AKAP13: variants seen among roughly 807,000 people sequenced by gnomAD.
AKAP13 encodes the protein A-kinase anchor protein 13.
Under a neutral mutation model 264.5 loss-of-function variants are expected in AKAP13, and 80 were observed. That is an observed-to-expected ratio of 0.30 (90% CI 0.25 to 0.36). The LOEUF (loss-of-function observed/expected upper bound fraction) is 0.36. AKAP13 is among the 10% of genes least tolerant of loss of function. The probability of loss-of-function intolerance (pLI) is 1.00; values close to 1 mark genes in which losing one functional copy is unlikely to be tolerated. For synonymous variants in AKAP13, 1,380 were observed against 1,250.2 expected, an observed-to-expected ratio of 1.10 and a Z score of -2.19; for missense variants, 3,712 against 3,435.2, an observed-to-expected ratio of 1.08 and a Z score of -2.01.
chr15:85,629,764 C>CTTTTTTTTTTTTTTTTTTTTTTTTT (rs773396099), intron 8 of AKAP13, among the ~76,000 whole-genome samples: 1 of 50,526 alleles, frequency 2.0e-5, no homozygotes, highest in Non-Finnish European at 3.7e-5. Flanking sequence ...CCTTTACAGC[C>CTTTTTTTTTTTTTTTTTTTTTTTTT]TTTTTTTTTT....
At chr15:85,439,977 T>A (rs371929733) in intron 1 of AKAP13, among the ~76,000 whole-genome samples, 13,850 of 109,206 alleles carry the variant, frequency 0.13, 831 homozygotes, top group Middle Eastern at 0.26. Flanking sequence ...TAATAAAAAA[T>A]AATAATAATA....
At chr15:85,707,740 C>G (rs575095455) in intron 17 of AKAP13, among the ~76,000 whole-genome samples, 1 of 151,848 alleles carries the variant, frequency 6.6e-6, no homozygotes, top group African/African-American at 2.4e-5. Context: ...TCACTTGAGT[C>G]GTTGTTCCTC....
chr15:85,491,787 C>G (rs892669021), intron 2 of AKAP13, among the ~76,000 whole-genome samples: 6 of 152,028 alleles, frequency 3.9e-5, no homozygotes, highest in Admixed American at 3.3e-4. Context: ...TTTGCATCAC[C>G]TGTAACCTTT....
At chr15:85,590,457 C>A (rs1343488575) in intron 8 of AKAP13, among the ~76,000 whole-genome samples, 1 of 152,162 alleles carries the variant, frequency 6.6e-6, no homozygotes, top group East Asian at 1.9e-4. Flanking sequence ...ATTCCTTAAC[C>A]TGTTTGACAC....
chr15:85,393,276 A>G (rs2070954686), intron 1 of AKAP13, among the ~76,000 whole-genome samples: 1 of 152,236 alleles, frequency 6.6e-6, no homozygotes, highest in Non-Finnish European at 1.5e-5. Flanking sequence ...GGAACTATAG[A>G]TGAGACTTTG....
intron 5 of AKAP13, among the ~76,000 whole-genome samples, chr15:85,558,518 G>A (rs1404308751): frequency 6.6e-6 from 1 of 152,080 alleles, no homozygotes; most frequent in Non-Finnish European, 1.5e-5. Context: ...CCTGAAGATG[G>A]GGGTCCTGCC....
At chr15:85,596,203 C>T (rs1036156376) in intron 8 of AKAP13, among the ~76,000 whole-genome samples, 1 of 152,198 alleles carries the variant, frequency 6.6e-6, no homozygotes, top group Non-Finnish European at 1.5e-5. Flanking sequence ...TTAAACCTAA[C>T]TCAGAAGTCA....
At chr15:85,408,738 A>G (rs1416579832) in intron 1 of AKAP13, among the ~76,000 whole-genome samples, 3 of 151,864 alleles carry the variant, frequency 2.0e-5, no homozygotes, top group Non-Finnish European at 4.4e-5. Flanking sequence ...AATGGACACT[A>G]GAGTTGTTTC....
At chr15:85,458,306 C>CATA (rs957264663) in intron 1 of AKAP13, among the ~76,000 whole-genome samples, 2 of 151,174 alleles carry the variant, frequency 1.3e-5, no homozygotes, top group Non-Finnish European at 2.9e-5. Flanking sequence ...GAAAATTACC[C>CATA]ATAATTGTAA....
At chr15:85,473,165 T>G (rs1329943582) in intron 1 of AKAP13, among the ~76,000 whole-genome samples, 3 of 152,116 alleles carry the variant, frequency 2.0e-5, no homozygotes, top group East Asian at 3.9e-4. Flanking sequence ...GTAAATTAAT[T>G]TAGGGAAAAA....
In AKAP13 at chr15:85,718,683, C is replaced by T. The variant is rs1168386781; in HGVS notation, c.6002-393C>T. 4.6e-6 allele frequency: 1 copy of T among 218,394 alleles called. No homozygotes were observed. Among genetic ancestry groups the T allele is most frequent in the Admixed American group, 5.3e-5 (1 of 18,936 alleles). 13.5% of individuals were successfully genotyped at this position (218,394 alleles called of 1,614,324 possible). ...CTGGGAGGCTGAGGCGGGTGGATCA[C>T]TCGAGCCCAGAGTTCAAGACTAGCC... is the stretch of plus-strand genomic sequence containing the variant. On this transcript the variant is annotated intron_variant, in intron 22 of 36. Transcript: ENST00000394518. The surrounding 1 kb of genome is among the most constrained non-coding windows in gnomAD (Gnocchi z 4.9).
chr15:85,515,081 C>T (rs2076558613), intron 2 of AKAP13, among the ~76,000 whole-genome samples: 1 of 137,378 alleles, frequency 7.3e-6, no homozygotes, highest in South Asian at 2.2e-4. Flanking sequence ...TTGGAGCCTA[C>T]AAGAATGTCT....
chr15:85,692,145 T>C (rs931056250), intron 16 of AKAP13, among the ~76,000 whole-genome samples: 2 of 152,152 alleles, frequency 1.3e-5, no homozygotes, highest in African/African-American at 4.8e-5. Flanking sequence ...CTTTAGCCAC[T>C]CCCCAATTTC....
chr15:85,637,677 C>T (rs1463758200), intron 8 of AKAP13, among the ~76,000 whole-genome samples: 1 of 151,776 alleles, frequency 6.6e-6, no homozygotes, highest in African/African-American at 2.4e-5. Context: ...TAATTTCCTC[C>T]TCTTTTTCTA....
intron 1 of AKAP13, among the ~76,000 whole-genome samples, chr15:85,402,376 G>T (rs1012518837): frequency 2.0e-5 from 3 of 152,182 alleles, no homozygotes; most frequent in Non-Finnish European, 2.9e-5. Context: ...CTAGGATTTG[G>T]TGTTTATGAA....
intron 8 of AKAP13, among the ~76,000 whole-genome samples, chr15:85,606,728 A>G (rs1170970203): frequency 2.0e-5 from 3 of 152,228 alleles, no homozygotes; most frequent in Non-Finnish European, 4.4e-5. Flanking sequence ...ACATCATGGC[A>G]GGGTCAAGGA....
intron 5 of AKAP13, among the ~76,000 whole-genome samples, chr15:85,568,774 C>G (rs890086560): frequency 5.9e-5 from 9 of 152,192 alleles, no homozygotes; most frequent in African/African-American, 1.9e-4. Context: ...ATGTATTTCA[C>G]TCTCAATACA....
intron 12 of AKAP13, among the ~76,000 whole-genome samples, chr15:85,659,056 T>C (rs951634879): frequency 6.6e-6 from 1 of 152,248 alleles, no homozygotes; most frequent in Non-Finnish European, 1.5e-5. Context: ...ACTTTATTAC[T>C]AGGCCACCTG....
intron 1 of AKAP13, among the ~76,000 whole-genome samples, chr15:85,453,311 G>C (rs1042050050): frequency 2.6e-5 from 4 of 152,188 alleles, no homozygotes; most frequent in African/African-American, 7.2e-5. Flanking sequence ...CCCAGGCTTG[G>C]AGGACCTGCC....
Sources: allele counts gnomAD v4.1 joint callset (sites outside exome capture counted in the v4.1 genomes callset), GRCh38; gene constraint gnomAD v4.1.1; non-coding constraint Gnocchi (gnomAD v3.1); transcripts MANE v1.5; gene names NCBI Gene and HGNC (gene_info 2026-07-23, HGNC 2026-07-21).